CALN1: variants seen among roughly 807,000 people sequenced by gnomAD.
CALN1 encodes the protein calcium-binding protein 8.
Under a neutral mutation model 30.6 loss-of-function variants are expected in CALN1, and 17 were observed. The observed-to-expected ratio is 0.56, with a 90% confidence interval of 0.38 to 0.83. The LOEUF is 0.83. Ranked by LOEUF, CALN1 falls within the 40% of genes least tolerant of loss-of-function variation. CALN1 has a pLI of 0.00. For synonymous variants in CALN1, 156 were observed against 131.4 expected, an observed-to-expected ratio of 1.19 and a Z score of -1.28; for missense variants, 291 against 354.9, an observed-to-expected ratio of 0.82 and a Z score of 1.45.
chr7:72,007,724 TA>T (rs772074308), intron 5 of CALN1, among the ~76,000 whole-genome samples: 11 of 152,150 alleles, frequency 7.2e-5, no homozygotes, highest in Non-Finnish European at 1.2e-4. Context: ...AGAGACTTTT[TA>T]AAAATTATTT....
chr7:72,401,192 T>C (rs886577014), intron 2 of CALN1, among the ~76,000 whole-genome samples: 2 of 152,152 alleles, frequency 1.3e-5, no homozygotes, highest in African/African-American at 2.4e-5. Context: ...GTGCTTTACC[T>C]GAAGGAGGTT....
chr7:71,949,631 C>T (rs1313076734), intron 5 of CALN1, among the ~76,000 whole-genome samples: 4 of 152,120 alleles, frequency 2.6e-5, no homozygotes, highest in African/African-American at 7.2e-5. Flanking sequence ...TCACCCACCC[C>T]GGCCTCCCAA....
chr7:72,475,911 T>C, the CALN1 span, among the ~76,000 whole-genome samples: 4 of 149,184 alleles, frequency 2.7e-5, no homozygotes, highest in Admixed American at 1.3e-4. Flanking sequence ...AGAGTTCCCC[T>C]GAACATGCTC....
intron 4 of CALN1, among the ~76,000 whole-genome samples, chr7:72,069,060 C>T (rs1345929988): frequency 6.6e-6 from 1 of 152,144 alleles, no homozygotes. Flanking sequence ...AAATTGCTTT[C>T]CCATCAAGAA....
At chr7:72,244,889 A>C (rs1795062529) in intron 3 of CALN1, among the ~76,000 whole-genome samples, 1 of 152,066 alleles carries the variant, frequency 6.6e-6, no homozygotes, top group Admixed American at 6.6e-5. Flanking sequence ...CAATTTCCTA[A>C]ATTGTACCAA....
At chr7:72,156,311 G>A (rs1006694525) in intron 3 of CALN1, among the ~76,000 whole-genome samples, 1 of 152,138 alleles carries the variant, frequency 6.6e-6, no homozygotes, top group African/African-American at 2.4e-5. Context: ...AAACTGCTTG[G>A]ATAGGACAGG....
intron 3 of CALN1, among the ~76,000 whole-genome samples, chr7:72,202,927 G>A (rs866183434): frequency 6.6e-6 from 1 of 152,112 alleles, no homozygotes; most frequent in African/African-American, 2.4e-5. Flanking sequence ...CAAAGACTTG[G>A]AACCAACCCA....
At chr7:72,029,940 T>C (rs1327400556) in intron 4 of CALN1, among the ~76,000 whole-genome samples, 1 of 152,214 alleles carries the variant, frequency 6.6e-6, no homozygotes, top group Non-Finnish European at 1.5e-5. Context: ...CACGTGGACT[T>C]TGAAATGGTG....
intron 3 of CALN1, among the ~76,000 whole-genome samples, chr7:72,242,020 C>A (rs1794873463): frequency 6.6e-6 from 1 of 152,224 alleles, no homozygotes; most frequent in African/African-American, 2.4e-5. Flanking sequence ...AATAACTCTG[C>A]ACTTGTTAAA....
intron 3 of CALN1, among the ~76,000 whole-genome samples, chr7:72,179,002 G>A (rs1323776911): frequency 1.3e-5 from 2 of 152,098 alleles, no homozygotes; most frequent in East Asian, 3.9e-4. Context: ...TGTAACATGC[G>A]AGATATTAAA....
At chr7:71,792,978 C>T (rs769429742) in intron 6 of CALN1, among the ~76,000 whole-genome samples, 2 of 152,052 alleles carry the variant, frequency 1.3e-5, no homozygotes, top group South Asian at 2.1e-4. Context: ...ACTGAGCAAT[C>T]GCCTGGAGAA....
intron 3 of CALN1, among the ~76,000 whole-genome samples, chr7:72,204,385 TG>T (rs1791677113): frequency 6.6e-6 from 1 of 151,768 alleles, no homozygotes; most frequent in African/African-American, 2.4e-5. Flanking sequence ...AATTTCCATG[TG>T]AAAAAAAATC....
At chr7:72,382,698 C>A (rs2944841) in intron 2 of CALN1, among the ~76,000 whole-genome samples, 149,601 of 152,260 alleles carry the variant, frequency 0.98, 73,530 homozygotes, top group Middle Eastern at 1. Context: ...CCCACTTATA[C>A]ATGAGAACAT....
chr7:71,929,014 A>C lies in CALN1; in HGVS notation c.501+94643T>G, dbSNP rs369966996. Among the ~76,000 whole-genome samples the C allele has an allele frequency of 4.6e-5, 7 of 152,080 alleles. No individual in the cohort carries two copies. The East Asian group carries it at 1.4e-3, about 29-fold the overall frequency. On this transcript the variant is annotated intron_variant, in intron 5 of 6. Coordinates refer to ENST00000395275, the MANE Select transcript of CALN1 (RefSeq NM_031468.4). ...TGGATTCACCGATTTTTGATGTGTC[A>C]TGTAAATGGAATTATATGATATGTG...
In CALN1 at chr7:72,037,594, T is replaced by C. The variant is rs1415300783; in HGVS notation, c.389-13825A>G. 3.9e-5 allele frequency among the ~76,000 whole-genome samples: 6 copies of C among 152,352 alleles called. No homozygotes were observed. The East Asian group carries it at 1.2e-3, about 29-fold the overall frequency. ...GGTTCAGAGGAAGGAAACACTGCAATCATCAGTGACCAGAACACAGATCCC... is the reference window on the plus strand; with the variant it reads ...GGTTCAGAGGAAGGAAACACTGCAACCATCAGTGACCAGAACACAGATCCC... On this transcript the variant is annotated intron_variant, in intron 4 of 6. Transcript: ENST00000395275.
At chr7:72,063,073 G>C (rs983806846) in intron 4 of CALN1, among the ~76,000 whole-genome samples, 11 of 152,052 alleles carry the variant, frequency 7.2e-5, no homozygotes, top group African/African-American at 2.4e-4. Flanking sequence ...TACCTCTCAT[G>C]AACTTAGACA....
chr7:72,413,195 A>C (rs546155765), upstream of CALN1, among the ~76,000 whole-genome samples: 178 of 146,076 alleles, frequency 1.2e-3, 1 homozygote, highest in African/African-American at 4.4e-3. Context: ...ACTTGTGCCC[A>C]CCCACTCACA....
At chr7:71,925,490 T>C (rs2129519183) in intron 5 of CALN1, among the ~76,000 whole-genome samples, 1 of 141,774 alleles carries the variant, frequency 7.1e-6, no homozygotes. Context: ...TTTTGGGTTT[T>C]TTTGGTTTTT....
chr7:72,422,990 G>A (rs117588236), intron 1 of CALN1, among the ~76,000 whole-genome samples: 20 of 151,902 alleles, frequency 1.3e-4, no homozygotes, highest in Non-Finnish European at 1.9e-4. Flanking sequence ...TTAGCCAGGC[G>A]TGGTCCCAGC....
Sources: allele counts gnomAD v4.1 joint callset (sites outside exome capture counted in the v4.1 genomes callset), GRCh38; gene constraint gnomAD v4.1.1; transcripts MANE v1.5; gene names NCBI Gene and HGNC (gene_info 2026-07-23, HGNC 2026-07-21).